The following RBFOX3 variants were observed in gnomAD, a reference collection of about 807,000 sequenced individuals.
RBFOX3 encodes the protein RNA binding protein fox-1 homolog 3.
A neutral mutation model predicts 48.7 loss-of-function variants in RBFOX3; 17 were observed. That is an observed-to-expected ratio of 0.35 (90% CI 0.24 to 0.52). The LOEUF is 0.52. Ranked by LOEUF, RBFOX3 falls within the 20% of genes least tolerant of loss-of-function variation. The pLI is 0.94. For missense variants in RBFOX3, 382 were observed against 497.5 expected, an observed-to-expected ratio of 0.77 and a Z score of 2.21; for synonymous variants, 212 against 209.5, an observed-to-expected ratio of 1.01 and a Z score of -0.10.
rs79997468 is a variant in RBFOX3, at chr17:79,103,681, C to T, written c.414+392G>A. Among the ~76,000 whole-genome samples, 1,770 of 152,198 alleles carry T rather than the reference C, an allele frequency of 0.012. 30 individuals are homozygous for T. Among genetic ancestry groups the T allele is most frequent in the African/African-American group, 0.04 (1,673 of 41,534 alleles). On this transcript the variant is annotated intron_variant, in intron 7 of 14. Coordinates refer to ENST00000693108, the MANE Select transcript of RBFOX3 (RefSeq NM_001350451.2). The surrounding 1 kb of genome is among the most constrained non-coding windows in gnomAD (Gnocchi z 6.1). ...ACCCTCGGAGCCCAGGGTAGAGGGTCGTGCCTTCCTGGAAGGGGAGTAGGG... is the reference window on the plus strand; with the variant it reads ...ACCCTCGGAGCCCAGGGTAGAGGGTTGTGCCTTCCTGGAAGGGGAGTAGGG...
At position 79,097,396 on chromosome 17, in the gene RBFOX3, G is replaced by A; in HGVS notation, c.651C>T (p.Gly217=). ...AVTGFPYPTT[G]TAVAYRGAHL... is the part of the protein sequence containing the mutation. ...GTGCGCCCCGGTAGGCAACGGCTGT[G>A]CCGGTGGTGGGGTAGGGGAACCCCG... The change falls in exon 11 of 15, where the codon GGC becomes GGT. Residue 217 remains glycine, a synonymous_variant. Coordinates refer to ENST00000693108, the MANE Select transcript of RBFOX3 (RefSeq NM_001350451.2). 6.5e-7 allele frequency: 1 copy of A among 1,548,054 alleles called. No individual in the cohort carries two copies. Among genetic ancestry groups the A allele is most frequent in the Non-Finnish European group, 8.7e-7 (1 of 1,146,000 alleles).
chr17:79,456,464 G>T (rs1318135805), intron 2 of RBFOX3, among the ~76,000 whole-genome samples: 2 of 151,830 alleles, frequency 1.3e-5, no homozygotes, highest in Admixed American at 1.3e-4. Flanking sequence ...ACATTGCCAT[G>T]CATCCCCTGC....
chr17:79,193,529 T>C (rs2054948068), intron 4 of RBFOX3, among the ~76,000 whole-genome samples: 1 of 152,192 alleles, frequency 6.6e-6, no homozygotes, highest in Non-Finnish European at 1.5e-5. Context: ...TCTGCCTCTA[T>C]CCACTTAAAA....
intron 1 of RBFOX3, among the ~76,000 whole-genome samples, chr17:79,584,282 C>A (rs1422296010): frequency 2.6e-5 from 4 of 152,334 alleles, no homozygotes; most frequent in Admixed American, 6.5e-5. Flanking sequence ...CACTTTTACA[C>A]TGCTGGTGGG....
intron 1 of RBFOX3, among the ~76,000 whole-genome samples, chr17:79,500,639 C>T (rs919136487): frequency 5.3e-5 from 8 of 152,084 alleles, no homozygotes; most frequent in Admixed American, 3.3e-4. Context: ...CTTCAATTTC[C>T]CCATCCCCCT....
At chr17:79,349,521 C>G (rs545609805) in intron 2 of RBFOX3, among the ~76,000 whole-genome samples, 1 of 152,216 alleles carries the variant, frequency 6.6e-6, no homozygotes, top group South Asian at 2.1e-4. Flanking sequence ...CAGAGAACCC[C>G]CAGACCTCCC....
rs1568221216 is a variant in RBFOX3, at chr17:79,421,878, AG to A, written c.-175+60575del. Among the ~76,000 whole-genome samples, 1 of 152,112 alleles carries A rather than the reference AG, an allele frequency of 6.6e-6. No individual in the cohort carries two copies. Among genetic ancestry groups the A allele is most frequent in the African/African-American group, 2.4e-5 (1 of 41,410 alleles). Reference sequence around the variant, plus strand: ...GTGGCCCACGAGGCTCATGGGTTCCAGGAACCCACGCCCCACCCCAAGCTGC... The same window carrying A: ...GTGGCCCACGAGGCTCATGGGTTCCAGAACCCACGCCCCACCCCAAGCTGC... On this transcript the variant is annotated intron_variant, in intron 2 of 14. Transcript: ENST00000693108. This position sits in a 1 kb window ranked among gnomAD's most constrained non-coding sequence, Gnocchi z 4.5.
intron 2 of RBFOX3, among the ~76,000 whole-genome samples, chr17:79,416,818 C>A (rs1555719334): frequency 6.6e-6 from 1 of 152,230 alleles, no homozygotes; most frequent in African/African-American, 2.4e-5. Context: ...ATAGAGCAGC[C>A]CCCTTGCCAT....
intron 2 of RBFOX3, among the ~76,000 whole-genome samples, chr17:79,470,417 C>T (rs972036533): frequency 1.6e-4 from 25 of 152,298 alleles, no homozygotes; most frequent in African/African-American, 6.0e-4. Flanking sequence ...CAGCTCCCCC[C>T]GAGGCTACTG....
intron 2 of RBFOX3, among the ~76,000 whole-genome samples, chr17:79,336,831 T>G (rs1568066021): frequency 6.6e-6 from 1 of 152,258 alleles, no homozygotes; most frequent in East Asian, 1.9e-4. Context: ...CAATAAAAAG[T>G]GAAGTGGGCC....
chr17:79,622,774 C>T, the RBFOX3 span, among the ~76,000 whole-genome samples: 50 of 152,330 alleles, frequency 3.3e-4, 1 homozygote, highest in African/African-American at 1.2e-3. Context: ...CACGGTCACA[C>T]GCAGAGGTCC....
intron 4 of RBFOX3, among the ~76,000 whole-genome samples, chr17:79,117,168 G>GC (rs1215961945): frequency 3.3e-5 from 5 of 152,196 alleles, no homozygotes; most frequent in Non-Finnish European, 5.9e-5. Context: ...CGAGGCACTC[G>GC]CCCCCCCAGG....
chr17:79,610,400 C>A (rs1417139954), intron 1 of RBFOX3, among the ~76,000 whole-genome samples: 2 of 151,898 alleles, frequency 1.3e-5, no homozygotes, highest in African/African-American at 4.8e-5. Context: ...GCCTCTGCCT[C>A]CCCCCGCCGG....
intron 2 of RBFOX3, among the ~76,000 whole-genome samples, chr17:79,378,136 G>A (rs2059441322): frequency 6.6e-6 from 1 of 152,102 alleles, no homozygotes; most frequent in Non-Finnish European, 1.5e-5. Context: ...CATAGGGGGG[G>A]CGCATCAGGG....
chr17:79,383,564 C>A (rs55711950), intron 2 of RBFOX3, among the ~76,000 whole-genome samples: 51,717 of 152,098 alleles, frequency 0.34, 9,188 homozygotes, highest in South Asian at 0.46. Context: ...GAGTACCCCC[C>A]CGATGGCTGC....
At chr17:79,116,363 A>C (rs1438501298) in intron 4 of RBFOX3, among the ~76,000 whole-genome samples, 1 of 152,178 alleles carries the variant, frequency 6.6e-6, no homozygotes, top group Non-Finnish European at 1.5e-5. Context: ...AAAAATACAA[A>C]AATTAGCGGG....
chr17:79,384,890 G>A (rs537186384), intron 2 of RBFOX3, among the ~76,000 whole-genome samples: 2 of 152,372 alleles, frequency 1.3e-5, no homozygotes, highest in South Asian at 2.1e-4. Context: ...TCAGTGGGGA[G>A]GGAGACCTTC....
chr17:79,393,324 T>G (rs1171821574), intron 2 of RBFOX3, among the ~76,000 whole-genome samples: 1 of 152,168 alleles, frequency 6.6e-6, no homozygotes, highest in Non-Finnish European at 1.5e-5. Flanking sequence ...GCACCTAACT[T>G]GCTTGTTAGA....
chr17:79,165,289 C>T (rs985100430), intron 4 of RBFOX3, among the ~76,000 whole-genome samples: 1 of 152,172 alleles, frequency 6.6e-6, no homozygotes, highest in Non-Finnish European at 1.5e-5. Flanking sequence ...AGGAAAAAAC[C>T]CGAGTTTCTC....
Sources: allele counts gnomAD v4.1 joint callset (sites outside exome capture counted in the v4.1 genomes callset), GRCh38; gene constraint gnomAD v4.1.1; non-coding constraint Gnocchi (gnomAD v3.1); transcripts MANE v1.5; gene names NCBI Gene and HGNC (gene_info 2026-07-23, HGNC 2026-07-21).